The following SHANK2 variants were observed in gnomAD, a reference collection of about 807,000 sequenced individuals.
SHANK2 encodes the protein SH3 and multiple ankyrin repeat domains 2.
In SHANK2, 43 loss-of-function variants were observed where a neutral mutation model predicts 133.7. The observed-to-expected ratio is 0.32, with a 90% CI of 0.25 to 0.41. SHANK2 has a LOEUF of 0.41. Ranked by LOEUF, SHANK2 falls within the 10% of genes least tolerant of loss-of-function variation. The pLI is 1.00. For missense variants in SHANK2, 1,994 were observed against 2,235.8 expected (o/e 0.89, Z 2.18); for synonymous variants, 1,017 against 952.8 (o/e 1.07, Z -1.24).
In SHANK2 at chr11:71,175,916, C is replaced by A. The variant is rs1490849039; in HGVS notation, c.-12-28578G>T. Among the ~76,000 whole-genome samples the A allele has an allele frequency of 2.6e-5, 4 of 152,064 alleles. No individual in the cohort carries two copies. Among genetic ancestry groups the A allele is most frequent in the Non-Finnish European group, 4.4e-5 (3 of 68,022 alleles). Reference sequence around the variant, plus strand: ...GCCAAGGTAGCTCCAGTTTGTGGGACAAAACCAGGAGGAGAGAGAATGGAA... The same window carrying A: ...GCCAAGGTAGCTCCAGTTTGTGGGAAAAAACCAGGAGGAGAGAGAATGGAA... On this transcript the variant is annotated intron_variant, in intron 2 of 25. Coordinates refer to ENST00000601538, the MANE Select transcript of SHANK2 (RefSeq NM_012309.5). This position sits in a 1 kb window ranked among gnomAD's most constrained non-coding sequence, Gnocchi z 4.2.
chr11:71,123,544 G>A (rs547602658), intron 3 of SHANK2, among the ~76,000 whole-genome samples: 1 of 152,180 alleles, frequency 6.6e-6, no homozygotes, highest in Non-Finnish European at 1.5e-5. Context: ...ACAGCGATGA[G>A]TCTAGCAGGT....
intron 2 of SHANK2, among the ~76,000 whole-genome samples, chr11:71,218,504 C>A (rs1954464766): frequency 6.6e-6 from 1 of 152,028 alleles, no homozygotes; most frequent in South Asian, 2.1e-4. Flanking sequence ...ATCAGGTGAT[C>A]CACCCGCCTC....
intron 11 of SHANK2, among the ~76,000 whole-genome samples, chr11:70,837,133 C>T (rs182650782): frequency 2.6e-5 from 4 of 152,336 alleles, no homozygotes; most frequent in East Asian, 3.9e-4. Context: ...ATGTTTCTGT[C>T]GCTTAAGCCA....
At chr11:70,554,258 C>A (rs2059802755) in intron 17 of SHANK2, among the ~76,000 whole-genome samples, 1 of 152,214 alleles carries the variant, frequency 6.6e-6, no homozygotes, top group African/African-American at 2.4e-5. Context: ...AAGAGCCTGG[C>A]TTTGATGAGC....
At chr11:71,095,789 G>C (rs1038381216) in intron 6 of SHANK2, among the ~76,000 whole-genome samples, 1 of 152,252 alleles carries the variant, frequency 6.6e-6, no homozygotes, top group Admixed American at 6.5e-5. Flanking sequence ...CCACTCTGCA[G>C]CTTGGCACTT....
intron 11 of SHANK2, among the ~76,000 whole-genome samples, chr11:70,834,789 A>C: frequency 6.6e-6 from 1 of 152,192 alleles, no homozygotes; most frequent in East Asian, 1.9e-4. Context: ...GGAGTCATTG[A>C]GGGAAGCTTT....
intron 2 of SHANK2, among the ~76,000 whole-genome samples, chr11:71,176,021 A>G (rs1953436519): frequency 6.6e-6 from 1 of 152,244 alleles, no homozygotes; most frequent in South Asian, 2.1e-4. Flanking sequence ...GGCCGGAGAA[A>G]GAACCACCCA....
At chr11:70,735,294 C>T (rs1279385956) in intron 14 of SHANK2, among the ~76,000 whole-genome samples, 1 of 152,182 alleles carries the variant, frequency 6.6e-6, no homozygotes, top group African/African-American at 2.4e-5. Context: ...GGCCTGGCTT[C>T]CCGAGAGATC....
chr11:70,782,134 G>A (rs573758442), intron 14 of SHANK2, among the ~76,000 whole-genome samples: 58 of 151,830 alleles, frequency 3.8e-4, no homozygotes, highest in African/African-American at 1.1e-3. Context: ...GTGTGATCTC[G>A]GCTCACTGCA....
chr11:70,693,291 C>A (rs1945327899), intron 15 of SHANK2, among the ~76,000 whole-genome samples: 1 of 152,186 alleles, frequency 6.6e-6, no homozygotes, highest in Non-Finnish European at 1.5e-5. Flanking sequence ...TGCGAGAAGA[C>A]CCAACTCTTT....
chr11:71,232,287 A>G (rs1400961193), intron 1 of SHANK2, among the ~76,000 whole-genome samples: 1 of 152,216 alleles, frequency 6.6e-6, no homozygotes, highest in Non-Finnish European at 1.5e-5. Context: ...TGGTGTGGAC[A>G]GCAGCATTTG....
intron 2 of SHANK2, among the ~76,000 whole-genome samples, chr11:71,193,743 C>T (rs1426390537): frequency 2.0e-5 from 3 of 152,280 alleles, no homozygotes; most frequent in African/African-American, 4.8e-5. Flanking sequence ...CCCACGCCCC[C>T]GGAGGCCAGG....
intron 14 of SHANK2, among the ~76,000 whole-genome samples, chr11:70,700,382 C>T (rs1945493258): frequency 6.6e-6 from 1 of 152,212 alleles, no homozygotes; most frequent in East Asian, 1.9e-4. Context: ...CAGCCAGGGG[C>T]ACCCTCTGCC....
intron 8 of SHANK2, among the ~76,000 whole-genome samples, chr11:71,085,930 G>T (rs1951395339): frequency 5.6e-3 from 1 of 180 alleles, no homozygotes; most frequent in African/African-American, 0.014. Flanking sequence ...ATAATAAATT[G>T]TTATATATTA....
Position 70,486,789 on chromosome 11 carries a change from C to T in SHANK2, c.3504G>A (p.Glu1168=), listed in dbSNP as rs1555153884. 6.2e-7 allele frequency: 1 copy of T among 1,611,968 alleles called. No individual in the cohort carries two copies. Among genetic ancestry groups the T allele is most frequent in the African/African-American group, 1.3e-5 (1 of 74,924 alleles). ...VGGAEASAPG[E]AGRPLNSTSK... ...ACGTGGAATTCAGCGGCCTCCCAGC[C>T]TCACCCGGAGCACTGGCCTCGGCGC... The change falls in exon 25 of 26, where the codon GAG becomes GAA. Residue 1168 remains glutamate, a synonymous_variant. Transcript: ENST00000601538. The surrounding 1 kb of genome is among the most constrained non-coding windows in gnomAD (Gnocchi z 8.0).
intron 17 of SHANK2, among the ~76,000 whole-genome samples, chr11:70,563,999 C>A (rs2059938707): frequency 6.6e-6 from 1 of 152,234 alleles, no homozygotes; most frequent in Non-Finnish European, 1.5e-5. Context: ...GCTTCTGACA[C>A]TATGCCTGCT....
chr11:70,692,721 T>C (rs940155083), intron 15 of SHANK2, among the ~76,000 whole-genome samples: 17 of 152,170 alleles, frequency 1.1e-4, no homozygotes, highest in Non-Finnish European at 4.4e-5. Flanking sequence ...TTAAACCAGG[T>C]ATATGTATTT....
chr11:70,672,082 TAGAGGGAGTCTTG>T (rs1944823269), intron 15 of SHANK2, among the ~76,000 whole-genome samples: 1 of 146,192 alleles, frequency 6.8e-6, no homozygotes, highest in Admixed American at 6.9e-5. Context: ...TTTTTTTTTT[TAGAGGGAGTCTTG>T]TTCTATCGCC....
chr11:71,128,676 C>T (rs1397363573), intron 3 of SHANK2, among the ~76,000 whole-genome samples: 11 of 152,218 alleles, frequency 7.2e-5, no homozygotes, highest in Non-Finnish European at 1.2e-4. Flanking sequence ...CACATCTTCC[C>T]GTCCCTCCTA....
Sources: allele counts gnomAD v4.1 joint callset (sites outside exome capture counted in the v4.1 genomes callset), GRCh38; gene constraint gnomAD v4.1.1; non-coding constraint Gnocchi (gnomAD v3.1); transcripts MANE v1.5; gene names NCBI Gene and HGNC (gene_info 2026-07-23, HGNC 2026-07-21).